The following SP4 variants were observed in gnomAD, a reference collection of about 807,000 sequenced individuals.
SP4 encodes the protein Sp4 transcription factor.
In SP4, 19 loss-of-function variants were observed where a neutral mutation model predicts 72.8. The observed-to-expected ratio is 0.26, with a 90% CI of 0.18 to 0.38. The LOEUF is 0.38. Among genes scored for constraint, SP4 ranks in the 10% least tolerant of loss-of-function variants. The pLI is 1.00. For missense variants in SP4, 1,008 were observed against 926.3 expected (o/e 1.09, Z -1.14); for synonymous variants, 395 against 333.1 (o/e 1.19, Z -2.02).
At chr7:21,464,789 A>G (rs766695761) in intron 3 of SP4, among the ~76,000 whole-genome samples, 3 of 152,180 alleles carry the variant, frequency 2.0e-5, no homozygotes, top group Non-Finnish European at 4.4e-5. Context: ...ATAGAGCCCA[A>G]TGTAGAATAA....
intron 2 of SP4, 72 bp downstream of exon 2, chr7:21,428,864 T>C: frequency 8.8e-7 from 1 of 1,140,762 alleles, no homozygotes; most frequent in Non-Finnish European, 1.2e-6. Flanking sequence ...CCTTTGAATG[T>C]CCAGAAGTAA....
In SP4 at chr7:21,514,702, A is replaced by G. The variant is rs1782225905; in HGVS notation, c.*3433A>G. ...TGTGGATTTGGAAATAAAATCATGT[A>G]CAAGTTGTTGCCTGCAATAACAATT... is the stretch of plus-strand genomic sequence containing the variant. On this transcript the variant is annotated 3_prime_UTR_variant, in exon 6 of 6. Transcript: ENST00000222584. 6.6e-6 allele frequency: 1 copy of G among 152,228 alleles called. No homozygotes were observed. Among genetic ancestry groups the G allele is most frequent in the African/African-American group, 2.4e-5 (1 of 41,460 alleles). The allele number at this position is 152,228 out of a possible 1,614,324, so 9.4% of individuals were successfully genotyped here. A position where few individuals can be genotyped will look rare whatever the true frequency, so the allele number is the denominator to read the frequency against.
chr7:21,477,486 C>G (rs1051685529), intron 4 of SP4, among the ~76,000 whole-genome samples, 179 bp downstream of exon 4: 12 of 152,270 alleles, frequency 7.9e-5, no homozygotes, highest in East Asian at 1.9e-4. Context: ...TTTGAGCGGT[C>G]CTCCGCCTTG....
intron 5 of SP4, among the ~76,000 whole-genome samples, chr7:21,492,144 AAGGG>A (rs1443373114): frequency 6.6e-6 from 1 of 152,186 alleles, no homozygotes; most frequent in African/African-American, 2.4e-5. Context: ...ATATAACAGA[AAGGG>A]AGGGTAAGGA....
At chr7:21,500,165 A>G (rs12674215) in intron 5 of SP4, among the ~76,000 whole-genome samples, 14,806 of 152,192 alleles carry the variant, frequency 0.097, 1,634 homozygotes, top group East Asian at 0.54. Context: ...TACTCAGTTT[A>G]TTAAAAATTT....
At chr7:21,489,977 A>C (rs1011167) in intron 5 of SP4, among the ~76,000 whole-genome samples, 49,534 of 152,062 alleles carry the variant, frequency 0.33, 8,515 homozygotes, top group Non-Finnish European at 0.36. Context: ...TAAATGTTTT[A>C]ATTAGTATGT....
At chr7:21,483,921 A>G (rs1784750906) in intron 5 of SP4, among the ~76,000 whole-genome samples, 1 of 151,842 alleles carries the variant, frequency 6.6e-6, no homozygotes, top group South Asian at 2.1e-4. Flanking sequence ...TTAAACCTGT[A>G]CCAAGATACA....
intron 5 of SP4, among the ~76,000 whole-genome samples, chr7:21,502,138 G>T (rs568888920): frequency 2.0e-5 from 3 of 149,348 alleles, no homozygotes; most frequent in African/African-American, 7.4e-5. Flanking sequence ...GTATTTTCGG[G>T]TATCTTATGG....
chr7:21,428,322 C>G (rs528844796), intron 1 of SP4, 64 bp downstream of exon 1: 1 of 828,560 alleles, frequency 1.2e-6, no homozygotes, highest in Non-Finnish European at 2.1e-6. Context: ...CTCCCCAGAC[C>G]CTGCTCGGTT....
intron 3 of SP4, among the ~76,000 whole-genome samples, chr7:21,441,469 T>C (rs1367268344): frequency 6.6e-6 from 1 of 152,206 alleles, no homozygotes; most frequent in Admixed American, 6.5e-5. Flanking sequence ...TTTTGAACCA[T>C]TTCCTAACAT....
At chr7:21,507,448 T>A (rs1364847042) in intron 5 of SP4, among the ~76,000 whole-genome samples, 3 of 152,204 alleles carry the variant, frequency 2.0e-5, no homozygotes, top group African/African-American at 7.2e-5. Flanking sequence ...GATTTTCCTG[T>A]CCCCTATTTT....
chr7:21,510,932 CAT>C (rs1381260537), intron 5 of SP4, 88 bp from the exon 6 acceptor site: 1 of 1,286,010 alleles, frequency 7.8e-7, no homozygotes, highest in East Asian at 2.4e-5. Context: ...TACAAAAAGT[CAT>C]ATAATGTGAC....
In SP4 at chr7:21,511,510, G is replaced by A; in HGVS notation, c.*241G>A. On this transcript the variant is annotated 3_prime_UTR_variant, in exon 6 of 6. Coordinates refer to ENST00000222584, the MANE Select transcript of SP4 (RefSeq NM_003112.5). Reference sequence around the variant, plus strand: ...CCATACTATAAGTTGTAGTTGTTTGGAAATATATCACATAACCTTTATACA... The same window carrying A: ...CCATACTATAAGTTGTAGTTGTTTGAAAATATATCACATAACCTTTATACA... 1 of 452,722 alleles carries A rather than the reference G, an allele frequency of 2.2e-6. No homozygotes were observed. The highest frequency in any genetic ancestry group is 4.0e-6 in the Non-Finnish European group (1 of 251,840). 28.0% of individuals were successfully genotyped at this position (452,722 alleles called of 1,614,324 possible).
chr7:21,496,191 C>G (rs1781700435), intron 5 of SP4, among the ~76,000 whole-genome samples: 1 of 152,046 alleles, frequency 6.6e-6, no homozygotes, highest in Non-Finnish European at 1.5e-5. Flanking sequence ...GATTATGTGA[C>G]TGAATGCATT....
chr7:21,483,535 T>C (rs1181655874), intron 5 of SP4, among the ~76,000 whole-genome samples: 3 of 151,950 alleles, frequency 2.0e-5, no homozygotes, highest in Non-Finnish European at 4.4e-5. Context: ...AAGATTCTTT[T>C]TGTTGATGGA....
intron 3 of SP4, chr7:21,471,070 C>T (rs1047248222): frequency 1.9e-6 from 1 of 534,676 alleles, no homozygotes. Context: ...TATTCAAATG[C>T]TCGGAGACAC....
intron 5 of SP4, among the ~76,000 whole-genome samples, chr7:21,489,612 T>C (rs914958719): frequency 7.0e-6 from 1 of 143,208 alleles, no homozygotes; most frequent in Non-Finnish European, 1.5e-5. Flanking sequence ...CAGGCTGGAG[T>C]GCAGTGGCAT....
chr7:21,430,174 A>G lies in SP4; in HGVS notation c.1009A>G (p.Thr337Ala). 1 of 1,614,180 alleles carries G rather than the reference A, an allele frequency of 6.2e-7. No individual in the cohort carries two copies. Among genetic ancestry groups the G allele is most frequent in the Non-Finnish European group, 8.5e-7 (1 of 1,180,026 alleles). The change falls in exon 3 of 6, where the codon ACA becomes GCA. Residue 337 changes from threonine (T) to alanine (A), a missense_variant. Coordinates refer to ENST00000222584, the MANE Select transcript of SP4 (RefSeq NM_003112.5). ...TASTSLTSSD[T>A]LVSSADTGQY... ...TTCAACGTCTTTGACAAGCAGTGAC[A>G]CATTAGTGAGCTCAGCAGATACTGG...
At chr7:21,498,603 T>G (rs1345328244) in intron 5 of SP4, among the ~76,000 whole-genome samples, 1 of 152,148 alleles carries the variant, frequency 6.6e-6, no homozygotes, top group Admixed American at 6.5e-5. Context: ...CAGTTAACCC[T>G]TGAACAACAC....
Sources: gnomAD v4.1 joint callset for allele counts (sites outside exome capture counted in the v4.1 genomes callset) on GRCh38, gnomAD v4.1.1 for gene constraint, MANE v1.5 for transcripts, NCBI Gene and HGNC (gene_info 2026-07-23, HGNC 2026-07-21) for gene names.